TMEM163: variants seen among roughly 807,000 people sequenced by gnomAD.
TMEM163 encodes transmembrane protein 163.
In TMEM163, 17 loss-of-function variants were observed where a neutral mutation model predicts 29.3. That is an observed-to-expected ratio of 0.58 (90% CI 0.40 to 0.87). The LOEUF (loss-of-function observed/expected upper bound fraction) is 0.87. Ranked by LOEUF, TMEM163 falls within the 40% of genes least tolerant of loss-of-function variation. The pLI is 0.00. For missense variants in TMEM163, 303 were observed against 381.5 expected, an observed-to-expected ratio of 0.79 and a Z score of 1.71; for synonymous variants, 157 against 160.6, an observed-to-expected ratio of 0.98 and a Z score of 0.17.
chr2:134,551,278 G>GGTGT (rs138062067), intron 3 of TMEM163, among the ~76,000 whole-genome samples: 1 of 150,792 alleles, frequency 6.6e-6, no homozygotes, highest in Non-Finnish European at 1.5e-5. Context: ...GGTATGTCTG[G>GGTGT]GTGTGTGTGT....
intron 2 of TMEM163, among the ~76,000 whole-genome samples, chr2:134,591,758 C>T (rs558661737): frequency 1.3e-5 from 2 of 152,268 alleles, no homozygotes; most frequent in Non-Finnish European, 2.9e-5. Context: ...CATTCAGGGA[C>T]TCCAACCACC....
At chr2:134,684,922 CAAAAAAAAA>C (rs56956631) in intron 2 of TMEM163, among the ~76,000 whole-genome samples, 2 of 74,814 alleles carry the variant, frequency 2.7e-5, no homozygotes, top group African/African-American at 7.3e-5. Context: ...GACCCTGTCT[CAAAAAAAAA>C]AAAAAAAAAG....
intron 2 of TMEM163, among the ~76,000 whole-genome samples, chr2:134,587,118 T>G (rs892646727): frequency 3.3e-5 from 5 of 152,102 alleles, no homozygotes; most frequent in Non-Finnish European, 1.5e-5. Context: ...TGAACCAAAG[T>G]ACCACCCCTT....
At chr2:134,509,677 G>A (rs1348731371) in intron 4 of TMEM163, among the ~76,000 whole-genome samples, 2 of 152,196 alleles carry the variant, frequency 1.3e-5, no homozygotes, top group African/African-American at 2.4e-5. Context: ...AGCCTCCAGA[G>A]AGCACGAATC....
chr2:134,543,635 T>C (rs1680722756), intron 4 of TMEM163, among the ~76,000 whole-genome samples: 1 of 152,210 alleles, frequency 6.6e-6, no homozygotes, highest in Admixed American at 6.5e-5. Context: ...CAATTTTCTT[T>C]TTAAATTTCT....
intron 4 of TMEM163, among the ~76,000 whole-genome samples, chr2:134,550,278 C>T (rs1251055853): frequency 1.3e-5 from 2 of 152,134 alleles, no homozygotes; most frequent in African/African-American, 4.8e-5. Flanking sequence ...ACAAAGATTC[C>T]GATAAGAAAA....
In TMEM163 at chr2:134,541,527, T is replaced by C. The variant is rs560593072; in HGVS notation, c.458+9043A>G. ...AATACAAATGTTTAAGGACAGTTAT[T>C]CTGGATTTTTTCTAACCTTAAGGCA... On this transcript the variant is annotated intron_variant, in intron 4 of 7. Transcript: ENST00000281924. Among the ~76,000 whole-genome samples, 3 of 152,368 alleles carry C rather than the reference T, an allele frequency of 2.0e-5. No homozygotes were observed. In the East Asian group the frequency reaches 5.8e-4, roughly 29 times the overall value.
intron 5 of TMEM163, among the ~76,000 whole-genome samples, chr2:134,476,741 T>C (rs923685155): frequency 1.3e-5 from 2 of 152,212 alleles, no homozygotes; most frequent in Non-Finnish European, 1.5e-5. Context: ...GAGCTTCCTA[T>C]GGATGTGGGT....
chr2:134,616,065 C>T (rs906809205), intron 2 of TMEM163, among the ~76,000 whole-genome samples: 4 of 152,086 alleles, frequency 2.6e-5, no homozygotes, highest in African/African-American at 9.7e-5. Context: ...CAGTATGATT[C>T]GGGAGGTAAA....
chr2:134,515,280 C>T (rs1680034261), intron 4 of TMEM163, among the ~76,000 whole-genome samples: 1 of 152,164 alleles, frequency 6.6e-6, no homozygotes, highest in Non-Finnish European at 1.5e-5. Flanking sequence ...CCCGTGGTCT[C>T]TGAACTCTCA....
Position 134,561,508 on chromosome 2 carries a change from G to A in TMEM163, c.323-9417C>T, listed in dbSNP as rs558134287. 9.9e-5 allele frequency among the ~76,000 whole-genome samples: 15 copies of A among 151,882 alleles called. No individual in the cohort carries two copies. In the East Asian group the frequency reaches 2.3e-3, roughly 24 times the overall value. Reference sequence around the variant, plus strand: ...ACTACAGGCACCCACCACCACGCCCGGCTAATTTTTTTTGTATTTTTTAGT... The same window carrying A: ...ACTACAGGCACCCACCACCACGCCCAGCTAATTTTTTTTGTATTTTTTAGT... On this transcript the variant is annotated intron_variant, in intron 2 of 7. Coordinates refer to ENST00000281924, the MANE Select transcript of TMEM163 (RefSeq NM_030923.5).
intron 2 of TMEM163, among the ~76,000 whole-genome samples, chr2:134,609,145 G>A (rs374778930): frequency 0.032 from 287 of 8,990 alleles, no homozygotes; most frequent in Non-Finnish European, 0.047. Context: ...CGAGAACTGT[G>A]CTGGTGAAAA....
chr2:134,483,631 G>T (rs954710669), intron 5 of TMEM163, among the ~76,000 whole-genome samples: 1 of 152,140 alleles, frequency 6.6e-6, no homozygotes, highest in South Asian at 2.1e-4. Flanking sequence ...ACCCTAAAAA[G>T]TTAAATAACA....
chr2:134,628,544 C>T (rs1329375367), intron 2 of TMEM163, among the ~76,000 whole-genome samples: 1 of 152,216 alleles, frequency 6.6e-6, no homozygotes, highest in African/African-American at 2.4e-5. Flanking sequence ...TAGCTGAAGC[C>T]AGTCATACAA....
At chr2:134,506,682 C>T (rs1679831415) in intron 4 of TMEM163, among the ~76,000 whole-genome samples, 1 of 152,254 alleles carries the variant, frequency 6.6e-6, no homozygotes, top group Non-Finnish European at 1.5e-5. Flanking sequence ...GCAGCCACAT[C>T]ACGTGCTCAC....
intron 2 of TMEM163, among the ~76,000 whole-genome samples, chr2:134,616,738 C>G (rs1295350972): frequency 6.6e-6 from 1 of 152,106 alleles, no homozygotes; most frequent in Admixed American, 6.5e-5. Context: ...TGATATTGTA[C>G]TATAGTTATA....
At chr2:134,691,636 A>T (rs1684470275) in intron 2 of TMEM163, among the ~76,000 whole-genome samples, 1 of 152,196 alleles carries the variant, frequency 6.6e-6, no homozygotes, top group Non-Finnish European at 1.5e-5. Flanking sequence ...TCCAATAGAC[A>T]GCACTATGCT....
At chr2:134,491,905 C>T (rs1279589325) in intron 5 of TMEM163, among the ~76,000 whole-genome samples, 1 of 152,148 alleles carries the variant, frequency 6.6e-6, no homozygotes, top group Non-Finnish European at 1.5e-5. Flanking sequence ...CTAGGTAACA[C>T]TCGAACTGAC....
At chr2:134,522,695 GAAC>G (rs1680212946) in intron 4 of TMEM163, among the ~76,000 whole-genome samples, 1 of 152,194 alleles carries the variant, frequency 6.6e-6, no homozygotes, top group African/African-American at 2.4e-5. Context: ...ATGACTGTGG[GAAC>G]AGTAAAGAGA....
Sources: allele counts gnomAD v4.1 joint callset (sites outside exome capture counted in the v4.1 genomes callset), GRCh38; gene constraint gnomAD v4.1.1; transcripts MANE v1.5; gene names NCBI Gene and HGNC (gene_info 2026-07-23, HGNC 2026-07-21).